Variants in PRKG1 observed in about 807,000 individuals in gnomAD.
The protein encoded by PRKG1 is protein kinase cGMP-dependent 1.
PRKG1 carries 35 observed loss-of-function variants against 88.1 expected under a neutral mutation model. That is an observed-to-expected ratio of 0.40 (90% CI 0.30 to 0.53). PRKG1 has a LOEUF of 0.53. Ranked by LOEUF, PRKG1 falls within the 20% of genes least tolerant of loss-of-function variation. The pLI, the probability that PRKG1 is intolerant of heterozygous loss-of-function variation, is 0.59. For synonymous variants in PRKG1, 303 were observed against 292.5 expected, an observed-to-expected ratio of 1.04 and a Z score of -0.37; for missense variants, 540 against 839.8, an observed-to-expected ratio of 0.64 and a Z score of 4.41.
chr10:51,314,344 T>G (rs889174757), intron 2 of PRKG1, among the ~76,000 whole-genome samples: 1 of 152,172 alleles, frequency 6.6e-6, no homozygotes, highest in Non-Finnish European at 1.5e-5. Context: ...CCTGAAATGC[T>G]GGAGTTGGCA....
At chr10:52,165,623 A>G (rs1348653631) in intron 9 of PRKG1, among the ~76,000 whole-genome samples, 2 of 152,188 alleles carry the variant, frequency 1.3e-5, no homozygotes, top group Non-Finnish European at 2.9e-5. Context: ...CCTACGGAAG[A>G]TAAGATTAAT....
intron 5 of PRKG1, among the ~76,000 whole-genome samples, chr10:51,989,314 A>AGTT (rs1253926197): frequency 2.0e-5 from 3 of 152,112 alleles, no homozygotes; most frequent in African/African-American, 7.2e-5. Context: ...AGTAGGGAAC[A>AGTT]GTTGCAAGGT....
At chr10:51,840,524 TA>T (rs1840246038) in intron 4 of PRKG1, among the ~76,000 whole-genome samples, 7 of 145,334 alleles carry the variant, frequency 4.8e-5, no homozygotes, top group Non-Finnish European at 7.6e-5. Flanking sequence ...CTATTTTATT[TA>T]TTTATTTATT....
intron 2 of PRKG1, among the ~76,000 whole-genome samples, chr10:51,369,027 C>T (rs754517537): frequency 6.6e-6 from 1 of 152,074 alleles, no homozygotes; most frequent in Admixed American, 6.6e-5. Context: ...ATGAGATAGT[C>T]TCTATGATTC....
intron 8 of PRKG1, among the ~76,000 whole-genome samples, chr10:52,138,461 T>A (rs1323522333): frequency 2.0e-5 from 3 of 152,140 alleles, no homozygotes; most frequent in Non-Finnish European, 4.4e-5. Flanking sequence ...CTGTTTGTCA[T>A]GGGAGTAAGA....
intron 3 of PRKG1, among the ~76,000 whole-genome samples, chr10:51,498,990 G>C (rs971886276): frequency 6.6e-5 from 10 of 151,854 alleles, no homozygotes; most frequent in African/African-American, 2.4e-4. Context: ...CTGTCTTAGA[G>C]GAAACTAGTC....
chr10:51,557,351 C>A (rs1324874949), intron 3 of PRKG1, among the ~76,000 whole-genome samples: 2 of 151,862 alleles, frequency 1.3e-5, no homozygotes, highest in Admixed American at 1.3e-4. Context: ...CACCACCCCC[C>A]CACCACCCAC....
At chr10:51,412,180 T>TGAGAGAGAGAGAGAGAGAGAGAGAGAGA (rs746950388) in intron 2 of PRKG1, among the ~76,000 whole-genome samples, 1 of 125,272 alleles carries the variant, frequency 8.0e-6, no homozygotes, top group African/African-American at 3.0e-5. Context: ...GGAGAGAGAG[T>TGAGAGAGAGAGAGAGAGAGAGAGAGAGA]GAGAGAGAGA....
At chr10:51,308,620 G>C (rs1035479304) in intron 2 of PRKG1, among the ~76,000 whole-genome samples, 1 of 152,098 alleles carries the variant, frequency 6.6e-6, no homozygotes, top group African/African-American at 2.4e-5. Context: ...AGTAGTCAGT[G>C]TGTGGCAAGG....
intron 1 of PRKG1, among the ~76,000 whole-genome samples, chr10:51,128,190 A>G (rs1845477849): frequency 7.9e-6 from 1 of 127,176 alleles, no homozygotes; most frequent in South Asian, 3.1e-4. Context: ...TTAAGAAATG[A>G]GAGGTTTTTG....
Position 51,984,531 on chromosome 10 carries a change from A to T in PRKG1, c.763-69953A>T, listed in dbSNP as rs115055488. On this transcript the variant is annotated intron_variant, in intron 5 of 17. Transcript: ENST00000373980. ...GCTCAATTGTGCTTGTGTTATAGGC[A>T]ACAGGATTTCACCAACAGGAACAGG... Among the ~76,000 whole-genome samples the T allele has an allele frequency of 7.3e-3, 1,105 of 152,304 alleles. 15 individuals carry two copies. Among genetic ancestry groups the T allele is most frequent in the African/African-American group, 0.025 (1,054 of 41,568 alleles).
At chr10:51,838,724 T>C (rs1840192015) in intron 4 of PRKG1, among the ~76,000 whole-genome samples, 1 of 152,094 alleles carries the variant, frequency 6.6e-6, no homozygotes, top group African/African-American at 2.4e-5. Flanking sequence ...AAGCTTAAGT[T>C]TGAAAGCTAG....
chr10:51,095,791 T>G (rs1844513996), intron 1 of PRKG1, among the ~76,000 whole-genome samples: 1 of 152,146 alleles, frequency 6.6e-6, no homozygotes, highest in African/African-American at 2.4e-5. Context: ...GAATAAATTT[T>G]TGTAAATCAA....
chr10:51,351,924 G>T (rs1842257305), intron 2 of PRKG1, among the ~76,000 whole-genome samples: 1 of 152,132 alleles, frequency 6.6e-6, no homozygotes, highest in Non-Finnish European at 1.5e-5. Flanking sequence ...TTTCTATAAG[G>T]TGTAAGGAAG....
chr10:52,072,598 C>T (rs905341450), intron 7 of PRKG1, among the ~76,000 whole-genome samples: 1 of 152,202 alleles, frequency 6.6e-6, no homozygotes, highest in Admixed American at 6.5e-5. Context: ...CAACTCCAAT[C>T]AAGTCTATTC....
chr10:52,270,382 A>G (rs982628416), intron 10 of PRKG1, among the ~76,000 whole-genome samples: 1 of 152,154 alleles, frequency 6.6e-6, no homozygotes, highest in African/African-American at 2.4e-5. Flanking sequence ...ATATACCTAA[A>G]GGATTATAAA....
At chr10:51,597,775 A>G (rs1006743225) in intron 3 of PRKG1, among the ~76,000 whole-genome samples, 2 of 152,182 alleles carry the variant, frequency 1.3e-5, no homozygotes, top group African/African-American at 4.8e-5. Flanking sequence ...AAAATGGAAA[A>G]AATACGTATA....
chr10:52,121,335 A>G (rs901104836), intron 7 of PRKG1, among the ~76,000 whole-genome samples: 5 of 152,296 alleles, frequency 3.3e-5, no homozygotes, highest in Non-Finnish European at 4.4e-5. Flanking sequence ...CCTTCCATCC[A>G]TATTACTATT....
chr10:51,367,063 G>A (rs755834834), intron 2 of PRKG1, among the ~76,000 whole-genome samples: 10 of 151,862 alleles, frequency 6.6e-5, no homozygotes, highest in Non-Finnish European at 1.3e-4. Flanking sequence ...AAACCAGTGA[G>A]GGATTACCCA....
Sources: allele counts gnomAD v4.1 joint callset (sites outside exome capture counted in the v4.1 genomes callset), GRCh38; gene constraint gnomAD v4.1.1; transcripts MANE v1.5; gene names NCBI Gene and HGNC (gene_info 2026-07-23, HGNC 2026-07-21).